Variants in INO80 observed in about 807,000 individuals in gnomAD.
INO80 encodes INO80 complex ATPase subunit.
A neutral mutation model predicts 203.4 loss-of-function variants in INO80; 20 were observed. That is an observed-to-expected ratio of 0.10 (90% CI 0.07 to 0.14). The LOEUF (loss-of-function observed/expected upper bound fraction) is 0.14. Ranked by LOEUF, INO80 falls within the 10% of genes least tolerant of loss-of-function variation. The pLI is 1.00. For synonymous variants in INO80, 726 were observed against 685.2 expected (o/e 1.06, Z -0.93); for missense variants, 1,419 against 1,914.4 (o/e 0.74, Z 4.83).
chr15:41,003,110 ACT>A (rs765585253), intron 28 of INO80, among the ~76,000 whole-genome samples: 76 of 149,716 alleles, frequency 5.1e-4, no homozygotes, highest in African/African-American at 1.8e-3. Flanking sequence ...ACAGAGCGAG[ACT>A]CTGTCTCAGA....
intron 29 of INO80, among the ~76,000 whole-genome samples, chr15:40,994,590 C>A (rs1360035921): frequency 1.3e-5 from 2 of 152,072 alleles, no homozygotes. Context: ...TGGTGTCGAA[C>A]TCCTGACCTT....
Position 41,095,750 on chromosome 15 carries a change from C to T in INO80, c.313+9G>A. 6.2e-7 allele frequency: 1 copy of T among 1,613,832 alleles called. No individual in the cohort carries two copies. The highest frequency in any genetic ancestry group is 8.5e-7 in the Non-Finnish European group (1 of 1,179,878). On this transcript the variant is annotated intron_variant, in intron 3 of 35. Transcript: ENST00000648947. ...GATAGTCCAAAGGGGGATGTCACAC[C>T]ACACTGACCTGACTGTAGAACTCCA... is the stretch of plus-strand genomic sequence containing the variant.
chr15:41,111,577 G>A (rs974575554), intron 1 of INO80, among the ~76,000 whole-genome samples: 3 of 152,042 alleles, frequency 2.0e-5, no homozygotes, highest in Non-Finnish European at 4.4e-5. Context: ...GGCTAAGGTG[G>A]GCGGATCATG....
chr15:41,041,442 T>C (rs111908240), intron 24 of INO80, among the ~76,000 whole-genome samples: 11,648 of 151,474 alleles, frequency 0.077, 1,222 homozygotes, highest in African/African-American at 0.24. Context: ...TTTTTTTTTT[T>C]TTTCTTTCTT....
chr15:41,083,543 C>T (rs2947494), intron 7 of INO80, among the ~76,000 whole-genome samples: 77,419 of 150,872 alleles, frequency 0.51, 21,832 homozygotes, highest in African/African-American at 0.77. Flanking sequence ...TCGTCTCTTC[C>T]AAAAATACAA....
At chr15:41,032,180 G>C (rs1596275968) in intron 24 of INO80, among the ~76,000 whole-genome samples, 1 of 152,120 alleles carries the variant, frequency 6.6e-6, no homozygotes, top group Non-Finnish European at 1.5e-5. Context: ...GTCATGCTTT[G>C]TACTACATGT....
chr15:41,073,569 A>T, intron 10 of INO80, 74 bp from the exon 11 acceptor site: 1 of 1,152,918 alleles, frequency 8.7e-7, no homozygotes, highest in Admixed American at 1.7e-5. Flanking sequence ...ACACCAATGT[A>T]TGTGGATCCC....
intron 25 of INO80, among the ~76,000 whole-genome samples, chr15:41,021,529 A>C (rs544893902): frequency 6.6e-6 from 1 of 152,370 alleles, no homozygotes; most frequent in Non-Finnish European, 1.5e-5. Context: ...AGCTAGTCAG[A>C]CTTCATTTAA....
At chr15:41,020,447 G>C (rs1053430865) in intron 26 of INO80, among the ~76,000 whole-genome samples, 1 of 152,114 alleles carries the variant, frequency 6.6e-6, no homozygotes, top group Non-Finnish European at 1.5e-5. Context: ...GAATCTGCTA[G>C]TATTTTGGCA....
chr15:41,065,200 G>T (rs536943217), intron 14 of INO80, among the ~76,000 whole-genome samples: 2 of 152,126 alleles, frequency 1.3e-5, no homozygotes, highest in South Asian at 4.2e-4. Context: ...CACCTTGGGA[G>T]GCAGAGGAGG....
At chr15:41,104,204 CTCAAAA>C (rs2045848971) in intron 1 of INO80, among the ~76,000 whole-genome samples, 3 of 82,272 alleles carry the variant, frequency 3.6e-5, no homozygotes, top group Non-Finnish European at 2.2e-5. Context: ...AAAACTCCAT[CTCAAAA>C]AAAAAAAAAA....
chr15:41,023,449 C>G, intron 25 of INO80: 1 of 405,984 alleles, frequency 2.5e-6, no homozygotes, highest in South Asian at 1.8e-5. Context: ...CATGCATACT[C>G]TTAGATAAGT....
In INO80 at chr15:41,075,106, T is replaced by C. The variant is rs2045383295; in HGVS notation, c.1132-541A>G. 2.6e-5 allele frequency among the ~76,000 whole-genome samples: 4 copies of C among 152,290 alleles called. No homozygotes were observed. The South Asian group carries it at 8.3e-4, about 32-fold the overall frequency. On this transcript the variant is annotated intron_variant, in intron 9 of 35. Transcript: ENST00000648947. The stretch of plus-strand genomic sequence containing the variant: ...GCTCTCCTTTATACTGTGAATCTTT[T>C]CTCTATTAGGCTTCTGACTAAAATG...
intron 6 of INO80, 47 bp from the exon 7 acceptor site, chr15:41,085,630 T>G: frequency 6.7e-7 from 1 of 1,483,416 alleles, no homozygotes; most frequent in Non-Finnish European, 9.4e-7. Context: ...CAGGAGATAG[T>G]CACAAAGCAA....
At chr15:41,062,553 A>G (rs1445905072) in intron 14 of INO80, among the ~76,000 whole-genome samples, 2 of 152,196 alleles carry the variant, frequency 1.3e-5, no homozygotes, top group African/African-American at 4.8e-5. Flanking sequence ...CAAAAAGAAT[A>G]AAATAAATAC....
At chr15:41,032,770 T>C (rs1295186272) in intron 24 of INO80, among the ~76,000 whole-genome samples, 1 of 152,144 alleles carries the variant, frequency 6.6e-6, no homozygotes, top group East Asian at 1.9e-4. Context: ...CCAGGCGTGG[T>C]AGCTCATGCC....
At chr15:40,989,438 G>T (rs1265935000) in intron 29 of INO80, among the ~76,000 whole-genome samples, 1 of 152,140 alleles carries the variant, frequency 6.6e-6, no homozygotes, top group Non-Finnish European at 1.5e-5. Flanking sequence ...AGTTCAAAAT[G>T]GCCCTCATAT....
chr15:41,030,972 T>C (rs1013116562), intron 24 of INO80, among the ~76,000 whole-genome samples: 4 of 152,170 alleles, frequency 2.6e-5, no homozygotes, highest in Non-Finnish European at 5.9e-5. Context: ...GCCTGGCTCA[T>C]TCACTTATTT....
At chr15:41,076,596 G>C (rs980277871) in intron 9 of INO80, among the ~76,000 whole-genome samples, 3 of 151,730 alleles carry the variant, frequency 2.0e-5, no homozygotes, top group Non-Finnish European at 4.4e-5. Flanking sequence ...AAAAAAATTT[G>C]CCAGGCATGG....
Sources: allele counts gnomAD v4.1 joint callset (sites outside exome capture counted in the v4.1 genomes callset), GRCh38; gene constraint gnomAD v4.1.1; transcripts MANE v1.5; gene names NCBI Gene and HGNC (gene_info 2026-07-23, HGNC 2026-07-21).